ELL2: variants seen among roughly 807,000 people sequenced by gnomAD.
ELL2 encodes RNA polymerase II elongation factor ELL2.
Under a neutral mutation model 72.8 loss-of-function variants are expected in ELL2, and 21 were observed. That is an observed-to-expected ratio of 0.29 (90% CI 0.20 to 0.42). The LOEUF (loss-of-function observed/expected upper bound fraction) is 0.42, where lower values mean the gene tolerates loss of function less well. ELL2 is among the 10% of genes least tolerant of loss of function. ELL2 has a pLI of 1.00. For synonymous variants in ELL2, 266 were observed against 283.2 expected, an observed-to-expected ratio of 0.94 and a Z score of 0.61; for missense variants, 568 against 772.8, an observed-to-expected ratio of 0.73 and a Z score of 3.14.
chr5:95,916,190 G>T (rs1470087518), intron 3 of ELL2, among the ~76,000 whole-genome samples: 1 of 151,860 alleles, frequency 6.6e-6, no homozygotes, highest in Non-Finnish European at 1.5e-5. Flanking sequence ...AGAGAGAGGT[G>T]GGGGAAAAAA....
chr5:95,900,894 A>G, intron 6 of ELL2, 62 bp downstream of exon 6: 1 of 1,566,950 alleles, frequency 6.4e-7, no homozygotes, highest in South Asian at 1.2e-5. Context: ...GACTAAAATA[A>G]TGACTTATTT....
intron 2 of ELL2, among the ~76,000 whole-genome samples, chr5:95,931,712 G>C (rs533447326): frequency 6.8e-6 from 1 of 147,882 alleles, no homozygotes. Flanking sequence ...GCTAAAACAG[G>C]TGTCCATGGA....
intron 4 of ELL2, among the ~76,000 whole-genome samples, chr5:95,908,993 A>G (rs1749480641): frequency 6.6e-6 from 1 of 152,164 alleles, no homozygotes. Flanking sequence ...AAGAGAAACT[A>G]ACAGTACTGC....
rs1748960185 is a variant in ELL2 at position 95,898,382 on chromosome 5, C to T, written c.1383G>A (p.Lys461=). Residue 461 remains lysine, a synonymous_variant, in exon 8 of 12, where the codon AAG becomes AAA. Coordinates refer to ENST00000237853, the MANE Select transcript of ELL2 (RefSeq NM_012081.6). ...MEENHSMSHK[K]SKKKSKKHKE... is the part of the protein sequence containing the mutation. ...TATGTTTTTTAGACTTCTTTTTGGA[C>T]TTTTTGTGAGACATTGAATGGTTTT... 6.2e-7 allele frequency: 1 copy of T among 1,613,118 alleles called. No individual in the cohort carries two copies. Among genetic ancestry groups the T allele is most frequent in the South Asian group, 1.1e-5 (1 of 91,046 alleles).
intron 3 of ELL2, among the ~76,000 whole-genome samples, chr5:95,917,828 T>C (rs1340778044): frequency 6.6e-6 from 1 of 152,176 alleles, no homozygotes; most frequent in Non-Finnish European, 1.5e-5. Context: ...TTACTTACAA[T>C]GATATGAATG....
chr5:95,901,323 A>C (rs1201694993), intron 5 of ELL2, among the ~76,000 whole-genome samples: 1 of 152,186 alleles, frequency 6.6e-6, no homozygotes, highest in African/African-American at 2.4e-5. Context: ...AATATTTCTA[A>C]TCAGATAATA....
chr5:95,902,418 C>G (rs1318139054), intron 5 of ELL2, among the ~76,000 whole-genome samples: 1 of 152,194 alleles, frequency 6.6e-6, no homozygotes, highest in Non-Finnish European at 1.5e-5. Flanking sequence ...TATCCCTTAA[C>G]TGCAATTCCT....
At chr5:95,890,895 G>T (rs894046980) in intron 10 of ELL2, 17 of 595,874 alleles carry the variant, frequency 2.9e-5, no homozygotes, top group African/African-American at 2.8e-4. Context: ...GTGGCACAAG[G>T]TTTTTTTCCA....
chr5:95,916,953 G>A (rs539704491), intron 3 of ELL2, among the ~76,000 whole-genome samples: 1 of 152,296 alleles, frequency 6.6e-6, no homozygotes, highest in Non-Finnish European at 1.5e-5. Flanking sequence ...TGCCCCTCAT[G>A]CGAAGTCAGA....
intron 1 of ELL2, among the ~76,000 whole-genome samples, chr5:95,943,969 A>G (rs1293319143): frequency 1.3e-5 from 2 of 152,234 alleles, no homozygotes; most frequent in Non-Finnish European, 2.9e-5. Context: ...AGATTTGGGT[A>G]ATGTTTAATG....
intron 10 of ELL2, 104 bp from the exon 11 acceptor site, chr5:95,889,234 T>A: frequency 1.1e-6 from 1 of 922,370 alleles, no homozygotes; most frequent in Non-Finnish European, 1.6e-6. Flanking sequence ...ATATTGACTG[T>A]GGGAATGTAA....
In ELL2 at chr5:95,900,724, C is replaced by T; in HGVS notation, c.923G>A (p.Cys308Tyr). Residue 308 changes from cysteine to tyrosine, a missense_variant, in exon 7 of 12, where the codon TGT becomes TAT. Physicochemically the swap from Cys to Tyr is radical, Grantham distance 194. Coordinates refer to ENST00000237853, the MANE Select transcript of ELL2 (RefSeq NM_012081.6). ...AGAAGATACAGCGTCTCTACTAGAA[C>T]ATACAGGAGATTCTGAACGGCTGGT... ...AGTSRSESPV[C>Y]SSRDAVSSPQ... The T allele has an allele frequency of 6.2e-7, 1 of 1,606,904 alleles. No homozygotes were observed. The highest frequency in any genetic ancestry group is 1.1e-5 in the South Asian group (1 of 89,534).
intron 2 of ELL2, among the ~76,000 whole-genome samples, chr5:95,941,540 A>G (rs1048480444): frequency 1.3e-5 from 2 of 152,172 alleles, no homozygotes. Context: ...GTGCCCCATA[A>G]TTTAGGGTTT....
intron 7 of ELL2, among the ~76,000 whole-genome samples, chr5:95,899,142 G>C (rs1019449061): frequency 1.3e-5 from 2 of 152,202 alleles, no homozygotes; most frequent in Non-Finnish European, 2.9e-5. Context: ...GAGAGACTAT[G>C]CTGATTTATG....
In ELL2 at chr5:95,924,968, C is replaced by T. The variant is rs368928336; in HGVS notation, c.196-5423G>A. On this transcript the variant is annotated intron_variant, in intron 2 of 11. Transcript: ENST00000237853. The stretch of plus-strand genomic sequence containing the variant: ...GGGCAGAAGCACAATGTGCACACTG[C>T]TGCAACTTTCTCATATGTGAATGCT... Among the ~76,000 whole-genome samples, 190 of 152,318 alleles carry T rather than the reference C, an allele frequency of 1.2e-3. 1 individual carries two copies. The highest frequency in any genetic ancestry group is 4.4e-3 in the African/African-American group (182 of 41,562).
chr5:95,944,975 C>A lies in ELL2; in HGVS notation c.148-1926G>T, dbSNP rs557204770. Among the ~76,000 whole-genome samples, 6 of 152,312 alleles carry A rather than the reference C, an allele frequency of 3.9e-5. No homozygotes were observed. The East Asian group carries it at 1.2e-3, about 29-fold the overall frequency. ...CCATCAGTCCTCCCAGCTCTCTGAT[C>A]ACACCTTTCATTTCGAAAGGCTAGT... On this transcript the variant is annotated intron_variant, in intron 1 of 11. Coordinates refer to ENST00000237853, the MANE Select transcript of ELL2 (RefSeq NM_012081.6).
At chr5:95,901,936 C>T (rs1749158594) in intron 5 of ELL2, among the ~76,000 whole-genome samples, 2 of 152,226 alleles carry the variant, frequency 1.3e-5, no homozygotes, top group African/African-American at 2.4e-5. Context: ...GAACAGCGTG[C>T]TACTTAAAAC....
chr5:95,936,698 T>C (rs1472250660), intron 2 of ELL2, among the ~76,000 whole-genome samples: 1 of 150,880 alleles, frequency 6.6e-6, no homozygotes, highest in Non-Finnish European at 1.5e-5. Context: ...TGAGCTATGA[T>C]TGAGCCACTG....
Position 95,913,751 on chromosome 5 carries a change from A to C in ELL2, c.481+20T>G, listed in dbSNP as rs1388155369. 1 of 1,565,950 alleles carries C rather than the reference A, an allele frequency of 6.4e-7. No homozygotes were observed. Among genetic ancestry groups the C allele is most frequent in the Non-Finnish European group, 8.6e-7 (1 of 1,158,904 alleles). On this transcript the variant is annotated intron_variant, in intron 4 of 11. Coordinates refer to ENST00000237853, the MANE Select transcript of ELL2 (RefSeq NM_012081.6). ...TTACTCCAATCAATCAGCAAGAGGA[A>C]GAAAGATATCTATACAAACCTACAT...
Sources: allele counts gnomAD v4.1 joint callset (sites outside exome capture counted in the v4.1 genomes callset), GRCh38; gene constraint gnomAD v4.1.1; transcripts MANE v1.5; gene names NCBI Gene and HGNC (gene_info 2026-07-23, HGNC 2026-07-21).